The following MAP7 variants were observed in gnomAD, a reference collection of about 807,000 sequenced individuals.
MAP7 encodes the protein ensconsin.
In MAP7, 52 loss-of-function variants were observed where a neutral mutation model predicts 94.8. The observed-to-expected ratio is 0.55, with a 90% confidence interval of 0.44 to 0.69. The LOEUF (loss-of-function observed/expected upper bound fraction) is 0.69. MAP7 is among the 30% of genes least tolerant of loss of function. The pLI, the probability that MAP7 is intolerant of heterozygous loss-of-function variation, is 0.00. For synonymous variants in MAP7, 350 were observed against 357.0 expected, an observed-to-expected ratio of 0.98 and a Z score of 0.22; for missense variants, 940 against 964.6, an observed-to-expected ratio of 0.97 and a Z score of 0.34.
chr6:136,457,054 C>T (rs765852704), intron 1 of MAP7, among the ~76,000 whole-genome samples: 1 of 147,042 alleles, frequency 6.8e-6, no homozygotes, highest in Admixed American at 6.7e-5. Flanking sequence ...ATTGACAAAC[C>T]TTTAGCTAAA....
chr6:136,485,060 T>C (rs897040977), intron 1 of MAP7, among the ~76,000 whole-genome samples: 2 of 152,168 alleles, frequency 1.3e-5, no homozygotes, highest in African/African-American at 4.8e-5. Flanking sequence ...TTTCAAAGCT[T>C]CTACTGTAGC....
chr6:136,446,180 G>A (rs1245744468), intron 1 of MAP7, among the ~76,000 whole-genome samples: 2 of 151,974 alleles, frequency 1.3e-5, no homozygotes, highest in East Asian at 3.9e-4. Context: ...CAGCATGGGA[G>A]AAGATTGTCA....
At chr6:136,403,190 G>A (rs538098164) in intron 3 of MAP7, among the ~76,000 whole-genome samples, 13 of 152,208 alleles carry the variant, frequency 8.5e-5, no homozygotes, top group Middle Eastern at 3.4e-3. Context: ...TCTCTGCTAC[G>A]CCTTAGGCTT....
At chr6:136,540,028 G>A (rs1482742384) in intron 1 of MAP7, among the ~76,000 whole-genome samples, 1 of 152,078 alleles carries the variant, frequency 6.6e-6, no homozygotes, top group Non-Finnish European at 1.5e-5. Context: ...TAGAGCCAGA[G>A]ATGACAATTT....
At chr6:136,536,717 A>T (rs1828916951) in intron 1 of MAP7, among the ~76,000 whole-genome samples, 1 of 152,238 alleles carries the variant, frequency 6.6e-6, no homozygotes, top group Non-Finnish European at 1.5e-5. Context: ...GCCAGACTTT[A>T]TCTAGCACAC....
At position 136,450,126 on chromosome 6, in the gene MAP7, G is replaced by T. The variant is rs149788029; in HGVS notation, c.68-28327C>A. Among the ~76,000 whole-genome samples, 487 of 152,340 alleles carry T rather than the reference G, an allele frequency of 3.2e-3. 3 individuals carry two copies. The highest frequency in any genetic ancestry group is 0.011 in the African/African-American group (468 of 41,582). ...TTGAACCCGGGAGGCAGAGGCTGCA[G>T]TGGGCCAAGACTGTGCCACTGCACG... On this transcript the variant is annotated intron_variant, in intron 1 of 17. Coordinates refer to ENST00000354570, the MANE Select transcript of MAP7 (RefSeq NM_003980.6).
intron 1 of MAP7, among the ~76,000 whole-genome samples, chr6:136,440,838 A>G (rs1264845734): frequency 6.6e-6 from 1 of 151,368 alleles, no homozygotes; most frequent in Non-Finnish European, 1.5e-5. Flanking sequence ...AAAAAAAAAA[A>G]AACCCTCCCC....
intron 1 of MAP7, among the ~76,000 whole-genome samples, chr6:136,503,880 T>A (rs1248744952): frequency 6.6e-6 from 1 of 152,186 alleles, no homozygotes; most frequent in Non-Finnish European, 1.5e-5. Context: ...GAATATATAT[T>A]TGCATATATG....
chr6:136,364,262 T>C, intron 10 of MAP7: 1 of 541,052 alleles, frequency 1.8e-6, no homozygotes, highest in Non-Finnish European at 3.7e-6. Flanking sequence ...TTGAACCTTT[T>C]TGGACTGGCT....
At chr6:136,363,734 T>C (rs1793493309) in intron 10 of MAP7, among the ~76,000 whole-genome samples, 1 of 152,164 alleles carries the variant, frequency 6.6e-6, no homozygotes, top group African/African-American at 2.4e-5. Flanking sequence ...GTGGGCCTTC[T>C]GGAAAAAAAT....
chr6:136,353,174 T>C (rs551074063), intron 16 of MAP7, among the ~76,000 whole-genome samples: 8 of 152,206 alleles, frequency 5.3e-5, no homozygotes, highest in African/African-American at 1.9e-4. Flanking sequence ...AAAAAAATAA[T>C]GTACAGTCTG....
At position 136,400,071 on chromosome 6, in the gene MAP7, C is replaced by T. The variant is rs143269386; in HGVS notation, c.245-10554G>A. Among the ~76,000 whole-genome samples the T allele has an allele frequency of 5.9e-3, 897 of 152,262 alleles. 7 individuals are homozygous for T. The highest frequency in any genetic ancestry group is 0.021 in the African/African-American group (853 of 41,552). On this transcript the variant is annotated intron_variant, in intron 3 of 17. Transcript: ENST00000354570. The stretch of plus-strand genomic sequence containing the variant: ...TACATCAAACCAACCCCTACCTCTA[C>T]ACCACCAGCCCTGCCCCTCCTACAA...
intron 16 of MAP7, among the ~76,000 whole-genome samples, chr6:136,356,429 G>T (rs1036277422): frequency 6.6e-6 from 1 of 152,108 alleles, no homozygotes; most frequent in African/African-American, 2.4e-5. Context: ...GCCTCCCAAA[G>T]TGTTGGGATT....
intron 1 of MAP7, among the ~76,000 whole-genome samples, chr6:136,495,471 C>T (rs1295861256): frequency 1.3e-5 from 2 of 152,002 alleles, no homozygotes; most frequent in African/African-American, 4.8e-5. Flanking sequence ...CACACACACA[C>T]ACACACACAC....
chr6:136,365,803 G>T lies in MAP7; in HGVS notation c.1205C>A (p.Ala402Glu). The T allele has an allele frequency of 6.2e-7, 1 of 1,614,038 alleles. No individual in the cohort carries two copies. The highest frequency in any genetic ancestry group is 8.5e-7 in the Non-Finnish European group (1 of 1,179,958). ...GGCTTCTTCTACCTTCACTAAAGGT[G>T]CTCTGCCCTTTAGTGAGGGCTCATT... ...VANEPSLKGR[A>E]PLVKVEEATV... The change falls in exon 10 of 18, where the codon GCA becomes GAA. Residue 402 changes from alanine to glutamate, a missense_variant. Transcript: ENST00000354570.
intron 15 of MAP7, among the ~76,000 whole-genome samples, chr6:136,358,305 C>T (rs1339342204): frequency 1.3e-5 from 2 of 152,156 alleles, no homozygotes; most frequent in Non-Finnish European, 2.9e-5. Context: ...GCATTAGCCC[C>T]TCAAATAATC....
intron 1 of MAP7, among the ~76,000 whole-genome samples, chr6:136,485,591 C>T (rs941428755): frequency 1.9e-4 from 21 of 112,558 alleles, no homozygotes; most frequent in African/African-American, 6.9e-4. Context: ...GAGACGGAGT[C>T]TCGCTCTGTC....
At chr6:136,548,006 A>C (rs1829861798) in intron 1 of MAP7, among the ~76,000 whole-genome samples, 1 of 152,078 alleles carries the variant, frequency 6.6e-6, no homozygotes, top group Admixed American at 6.5e-5. Flanking sequence ...AAGAAATAAA[A>C]TTAATCCCTC....
intron 1 of MAP7, among the ~76,000 whole-genome samples, chr6:136,463,146 T>A (rs180818770): frequency 8.5e-5 from 13 of 152,244 alleles, no homozygotes; most frequent in African/African-American, 3.1e-4. Context: ...TCTTAAGAGT[T>A]TGGCCCCATA....
Sources: gnomAD v4.1 joint callset for allele counts (sites outside exome capture counted in the v4.1 genomes callset) on GRCh38, gnomAD v4.1.1 for gene constraint, MANE v1.5 for transcripts, NCBI Gene and HGNC (gene_info 2026-07-23, HGNC 2026-07-21) for gene names.